Variants in CALN1 observed in about 807,000 individuals in gnomAD.
CALN1 encodes calcium-binding protein 8.
In CALN1, 17 loss-of-function variants were observed where a neutral mutation model predicts 30.6. That is an observed-to-expected ratio of 0.56 (90% CI 0.38 to 0.83). The LOEUF is 0.83. Ranked by LOEUF, CALN1 falls within the 40% of genes least tolerant of loss-of-function variation. The pLI, the probability that CALN1 is intolerant of heterozygous loss-of-function variation, is 0.00. For synonymous variants in CALN1, 156 were observed against 131.4 expected (o/e 1.19, Z -1.28); for missense variants, 291 against 354.9 (o/e 0.82, Z 1.45).
intron 5 of CALN1, among the ~76,000 whole-genome samples, chr7:71,832,532 G>A (rs980795501): frequency 4.6e-5 from 7 of 152,142 alleles, no homozygotes; most frequent in South Asian, 4.1e-4. Flanking sequence ...CAAGGTGACT[G>A]CTGAAAACCC....
chr7:72,123,014 T>C (rs1040879105), intron 3 of CALN1, among the ~76,000 whole-genome samples: 6 of 152,220 alleles, frequency 3.9e-5, no homozygotes, highest in African/African-American at 1.4e-4. Context: ...GGAGAGAGAC[T>C]GGGCTCAACT....
chr7:72,061,882 A>T (rs990274969), intron 4 of CALN1, among the ~76,000 whole-genome samples: 1 of 151,914 alleles, frequency 6.6e-6, no homozygotes, highest in East Asian at 1.9e-4. Flanking sequence ...AAAATAATAC[A>T]TCCTCAAACA....
At chr7:71,962,938 T>C (rs192345865) in intron 5 of CALN1, among the ~76,000 whole-genome samples, 40 of 152,314 alleles carry the variant, frequency 2.6e-4, no homozygotes, top group African/African-American at 9.6e-4. Flanking sequence ...TCTAGTAACC[T>C]TGAAAGATTC....
intron 1 of CALN1, among the ~76,000 whole-genome samples, chr7:72,445,018 C>T (rs765111270): frequency 3.9e-4 from 59 of 149,502 alleles, no homozygotes; most frequent in Non-Finnish European, 1.8e-4. Flanking sequence ...CTGGGACCTG[C>T]GTACAGCTTC....
intron 2 of CALN1, among the ~76,000 whole-genome samples, chr7:72,282,332 G>T (rs541185682): frequency 6.6e-6 from 1 of 152,166 alleles, no homozygotes; most frequent in Non-Finnish European, 1.5e-5. Flanking sequence ...ATATTTAAGC[G>T]ACTGTCATGA....
chr7:72,424,278 C>T (rs760551039), intron 1 of CALN1, among the ~76,000 whole-genome samples: 47 of 152,118 alleles, frequency 3.1e-4, no homozygotes, highest in Non-Finnish European at 5.6e-4. Context: ...TTCCTTCCTC[C>T]ATCAGCAAGT....
chr7:72,078,675 G>A (rs1804913285), intron 4 of CALN1, among the ~76,000 whole-genome samples: 1 of 152,124 alleles, frequency 6.6e-6, no homozygotes, highest in African/African-American at 2.4e-5. Flanking sequence ...GCTTGTGCCT[G>A]TAATCTCTGC....
chr7:72,371,932 C>A (rs1221157114), intron 2 of CALN1, among the ~76,000 whole-genome samples: 1 of 152,194 alleles, frequency 6.6e-6, no homozygotes, highest in Non-Finnish European at 1.5e-5. Context: ...AACATATACA[C>A]TAACAGGTAG....
At chr7:71,925,283 G>A (rs1355248446) in intron 5 of CALN1, among the ~76,000 whole-genome samples, 2 of 128,198 alleles carry the variant, frequency 1.6e-5, no homozygotes, top group African/African-American at 5.6e-5. Context: ...AAGCAAGCAA[G>A]CAAGAAAAGA....
At chr7:72,336,245 C>T (rs894725801) in intron 2 of CALN1, among the ~76,000 whole-genome samples, 2 of 152,180 alleles carry the variant, frequency 1.3e-5, no homozygotes, top group African/African-American at 4.8e-5. Flanking sequence ...CGCGAAGAGA[C>T]CTGGTTGCCG....
At chr7:72,446,205 G>C (rs145925409) in intron 1 of CALN1, among the ~76,000 whole-genome samples, 1 of 152,188 alleles carries the variant, frequency 6.6e-6, no homozygotes, top group East Asian at 1.9e-4. Flanking sequence ...CTCGGAAAGA[G>C]CATTTCACCC....
chr7:72,380,617 T>A (rs1804831839), intron 2 of CALN1, among the ~76,000 whole-genome samples: 1 of 152,118 alleles, frequency 6.6e-6, no homozygotes. Flanking sequence ...TGTCCTAGCA[T>A]CAGAGTCATA....
intron 2 of CALN1, among the ~76,000 whole-genome samples, chr7:72,370,212 A>T (rs1275665016): frequency 1.3e-5 from 2 of 152,116 alleles, no homozygotes; most frequent in Non-Finnish European, 2.9e-5. Flanking sequence ...TTCCCTAATG[A>T]TCAATGATGT....
At chr7:71,829,571 T>C (rs1789137090) in intron 5 of CALN1, among the ~76,000 whole-genome samples, 1 of 152,238 alleles carries the variant, frequency 6.6e-6, no homozygotes, top group Non-Finnish European at 1.5e-5. Flanking sequence ...TGTCTGGAAG[T>C]AACTCATCAT....
chr7:72,220,038 TTTTTG>T (rs1184365516), intron 3 of CALN1, among the ~76,000 whole-genome samples: 30 of 152,224 alleles, frequency 2.0e-4, no homozygotes, highest in Middle Eastern at 6.8e-3. Context: ...TTTATAATTT[TTTTTG>T]TTTTATTATT....
intron 5 of CALN1, among the ~76,000 whole-genome samples, chr7:71,924,517 C>G (rs567032878): frequency 6.6e-6 from 1 of 152,132 alleles, no homozygotes; most frequent in African/African-American, 2.4e-5. Flanking sequence ...ACACCCAATA[C>G]GCTTGAAGTT....
chr7:72,457,611 T>C, the CALN1 span, among the ~76,000 whole-genome samples: 1 of 152,042 alleles, frequency 6.6e-6, no homozygotes, highest in Admixed American at 6.6e-5. Context: ...TCCCTCTTCC[T>C]CCTCCTTCTC....
intron 2 of CALN1, among the ~76,000 whole-genome samples, chr7:72,354,134 A>T (rs545398900): frequency 6.6e-6 from 1 of 152,108 alleles, no homozygotes; most frequent in Non-Finnish European, 1.5e-5. Context: ...TTGCAGTGAA[A>T]CGAAATTGTG....
rs151053712 is a variant in CALN1 at position 72,205,930 on chromosome 7, T to C, written c.244+72756A>G. 4.5e-3 allele frequency among the ~76,000 whole-genome samples: 679 copies of C among 152,256 alleles called. 4 individuals are homozygous for C. The highest frequency in any genetic ancestry group is 0.016 in the African/African-American group (659 of 41,560). The stretch of plus-strand genomic sequence containing the variant: ...TCCCCAATCATGTTTACTGAATCCT[T>C]TTCTCGCTGATTTTGGACTTTTGCC... On this transcript the variant is annotated intron_variant, in intron 3 of 6. Transcript: ENST00000395275.
Sources: allele counts gnomAD v4.1 joint callset (sites outside exome capture counted in the v4.1 genomes callset), GRCh38; gene constraint gnomAD v4.1.1; transcripts MANE v1.5; gene names NCBI Gene and HGNC (gene_info 2026-07-23, HGNC 2026-07-21).